IFT140: variants seen among roughly 807,000 people sequenced by gnomAD.
IFT140 encodes intraflagellar transport protein 140 homolog.
IFT140 carries 133 observed loss-of-function variants against 164.6 expected under a neutral mutation model. The ratio of observed to expected loss-of-function variants is 0.81; its 90% CI spans 0.70 to 0.93. The LOEUF is 0.93. Ranked by LOEUF, IFT140 falls within the 40% of genes least tolerant of loss-of-function variation. The pLI, the probability that IFT140 is intolerant of heterozygous loss-of-function variation, is 0.00. For synonymous variants in IFT140, 860 were observed against 817.3 expected, an observed-to-expected ratio of 1.05 and a Z score of -0.89; for missense variants, 2,045 against 1,972.3, an observed-to-expected ratio of 1.04 and a Z score of -0.70.
chr16:1,529,075 T>TA lies in IFT140; in HGVS notation c.2400-2280_2400-2279insT, dbSNP rs201951074. Among the ~76,000 whole-genome samples, 433 of 152,280 alleles carry TA rather than the reference T, an allele frequency of 2.8e-3. 1 individual carries two copies. Among genetic ancestry groups the TA allele is most frequent in the Middle Eastern group, 0.014 (4 of 294 alleles). The stretch of plus-strand genomic sequence containing the variant: ...GGGATGGGCCCTGCGGTGGTGTCTG[T>TA]GGCTGCAACGCGGCATACCCAGGTG... On this transcript the variant is annotated intron_variant, in intron 19 of 30. Coordinates refer to ENST00000426508, the MANE Select transcript of IFT140 (RefSeq NM_014714.4).
chr16:1,588,527 A>AAATAATAATGATAATAATAAT, intron 7 of IFT140, among the ~76,000 whole-genome samples: 1 of 145,446 alleles, frequency 6.9e-6, no homozygotes, highest in Non-Finnish European at 1.5e-5. Flanking sequence ...TCCGTCTCAA[A>AAATAATAATGATAATAATAAT]AATAATAATA....
chr16:1,547,773 T>G (rs749643856), intron 19 of IFT140, among the ~76,000 whole-genome samples: 10 of 152,170 alleles, frequency 6.6e-5, no homozygotes, highest in Non-Finnish European at 1.0e-4. Flanking sequence ...TGACCTCAGG[T>G]GATCCACCCA....
chr16:1,524,106 G>A, intron 24 of IFT140, 150 bp from the exon 25 acceptor site: 2 of 1,003,280 alleles, frequency 2.0e-6, no homozygotes, highest in Non-Finnish European at 1.4e-6. Context: ...AGGAGCTGAT[G>A]ACTTACTGGG....
rs1356071996 is a variant in IFT140, at chr16:1,526,605, C to T, written c.2577+14G>A. ...TGGTGCCTTCCCACCCACCCCATGG[C>T]GGGCGCCCCTCACCAGCATGCCCAG... On this transcript the variant is annotated intron_variant, in intron 20 of 30. Coordinates refer to ENST00000426508, the MANE Select transcript of IFT140 (RefSeq NM_014714.4). The T allele has an allele frequency of 9.4e-6, 14 of 1,496,732 alleles. No homozygotes were observed. The South Asian group carries it at 1.0e-4, about 11-fold the overall frequency. 92.7% of individuals were successfully genotyped at this position (1,496,732 alleles called of 1,614,324 possible). A position where few individuals can be genotyped will look rare whatever the true frequency, so the allele number is the denominator to read the frequency against.
At position 1,529,809 on chromosome 16, in the gene IFT140, G is replaced by A. The variant is rs371411556; in HGVS notation, c.2400-3013C>T. Among the ~76,000 whole-genome samples, 6 of 152,200 alleles carry A rather than the reference G, an allele frequency of 3.9e-5. No individual in the cohort carries two copies. The East Asian group carries it at 7.7e-4, about 20-fold the overall frequency. ...ACACAGCTGCCCCGTGCTGAGACAC[G>A]CCTCAAGACTGGGGGTCCAGGGCTC... is the stretch of plus-strand genomic sequence containing the variant. On this transcript the variant is annotated intron_variant, in intron 19 of 30. Coordinates refer to ENST00000426508, the MANE Select transcript of IFT140 (RefSeq NM_014714.4).
At chr16:1,522,997 G>A (rs901394839) in intron 26 of IFT140, among the ~76,000 whole-genome samples, 3 of 152,096 alleles carry the variant, frequency 2.0e-5, no homozygotes, top group Non-Finnish European at 4.4e-5. Context: ...GAGGCAGGAG[G>A]ATTGCTTGAG....
At chr16:1,522,313 T>C (rs4787271) in intron 26 of IFT140, among the ~76,000 whole-genome samples, 66,588 of 151,756 alleles carry the variant, frequency 0.44, 17,586 homozygotes, top group African/African-American at 0.74. Context: ...GCCAAGATTG[T>C]GCCACTGGAC....
chr16:1,597,184 G>C (rs2035506816), intron 4 of IFT140, among the ~76,000 whole-genome samples: 1 of 152,196 alleles, frequency 6.6e-6, no homozygotes. Flanking sequence ...TTGACCCTCA[G>C]ACTTGGCTCG....
rs538185133 is a variant in IFT140 at position 1,525,723 on chromosome 16, C to T, written c.2768+164G>A. Among the ~76,000 whole-genome samples, 3 of 152,358 alleles carry T rather than the reference C, an allele frequency of 2.0e-5. No individual in the cohort carries two copies. The South Asian group carries it at 6.2e-4, about 32-fold the overall frequency. Reference sequence around the variant, plus strand: ...CAGGATGGAAGGGGCAACCCCACATCTCCGAGACTCCCAGAAGCTTCCTGC... The same window carrying T: ...CAGGATGGAAGGGGCAACCCCACATTTCCGAGACTCCCAGAAGCTTCCTGC... On this transcript the variant is annotated intron_variant, in intron 21 of 30. Transcript: ENST00000426508.
rs887077455 is a variant in IFT140 at position 1,551,318 on chromosome 16, C to A, written c.2399+6617G>T. Among the ~76,000 whole-genome samples the A allele has an allele frequency of 7.2e-5, 11 of 151,978 alleles. No individual in the cohort carries two copies. The highest frequency in any genetic ancestry group is 1.5e-4 in the Non-Finnish European group (10 of 67,990). On this transcript the variant is annotated intron_variant, in intron 19 of 30. Coordinates refer to ENST00000426508, the MANE Select transcript of IFT140 (RefSeq NM_014714.4). This position sits in a 1 kb window ranked among gnomAD's most constrained non-coding sequence, Gnocchi z 4.0. ...GGCAGGTGCAACTCTAAGCCGAGGCCCGAAGGATCAGCAGCAGGAGGGGCC... is the reference window on the plus strand; with the variant it reads ...GGCAGGTGCAACTCTAAGCCGAGGCACGAAGGATCAGCAGCAGGAGGGGCC...
intron 19 of IFT140, chr16:1,554,149 GAGCC>G (rs2032899866): frequency 7.8e-7 from 1 of 1,286,474 alleles, no homozygotes; most frequent in African/African-American, 1.5e-5. Flanking sequence ...TATAGCCAAG[GAGCC>G]CTAGACAAGG....
chr16:1,542,789 T>C lies in IFT140; in HGVS notation c.2399+15146A>G, dbSNP rs143162338. The stretch of plus-strand genomic sequence containing the variant: ...TGGCTTCCCCAAGCCGCCATGTGAG[T>C]TGGGGAGGAGGCCCGGCCTTGCAGG... On this transcript the variant is annotated intron_variant, in intron 19 of 30. Coordinates refer to ENST00000426508, the MANE Select transcript of IFT140 (RefSeq NM_014714.4). 1.6e-3 allele frequency among the ~76,000 whole-genome samples: 245 copies of C among 152,126 alleles called. 2 individuals carry two copies. The highest frequency in any genetic ancestry group is 5.5e-3 in the African/African-American group (230 of 41,512).
In IFT140 at chr16:1,554,818, G is replaced by A. The variant is rs1185131101; in HGVS notation, c.2399+3117C>T. On this transcript the variant is annotated intron_variant, in intron 19 of 30. Coordinates refer to ENST00000426508, the MANE Select transcript of IFT140 (RefSeq NM_014714.4). Reference sequence around the variant, plus strand: ...GTCATCGGGCTCGTGACTTTCTACAGAATTGGCCCATACACCAACCTGTCC... The same window carrying A: ...GTCATCGGGCTCGTGACTTTCTACAAAATTGGCCCATACACCAACCTGTCC... The A allele has an allele frequency of 1.9e-6, 3 of 1,614,200 alleles. No homozygotes were observed. The East Asian group carries it at 6.7e-5, about 36-fold the overall frequency.
At position 1,510,870 on chromosome 16, in the gene IFT140, T is replaced by C; in HGVS notation, c.*74A>G. 19 of 1,367,090 alleles carry C rather than the reference T, an allele frequency of 1.4e-5. No homozygotes were observed. The highest frequency in any genetic ancestry group is 1.9e-5 in the Admixed American group (1 of 53,268). The allele number at this position is 1,367,090 out of a possible 1,614,324, so 84.7% of individuals were successfully genotyped here. ...GTTTTTTCCCAGCAAAAATGCTGGC[T>C]TTGCCACAGCTGACAAAAAAATTCC... On this transcript the variant is annotated 3_prime_UTR_variant, in exon 31 of 31. Coordinates refer to ENST00000426508, the MANE Select transcript of IFT140 (RefSeq NM_014714.4).
intron 13 of IFT140, among the ~76,000 whole-genome samples, chr16:1,573,125 G>A (rs1334405830): frequency 6.6e-6 from 1 of 152,214 alleles, no homozygotes; most frequent in African/African-American, 2.4e-5. Context: ...CGGATGGCTG[G>A]AGTCAGGGTG....
intron 3 of IFT140, among the ~76,000 whole-genome samples, chr16:1,605,324 T>G (rs2036002531): frequency 1.3e-5 from 2 of 152,140 alleles, no homozygotes; most frequent in South Asian, 4.1e-4. Flanking sequence ...CTGATGACTG[T>G]CGCTGCTTGG....
chr16:1,541,841 C>T (rs1310670523), intron 19 of IFT140: 5 of 1,468,638 alleles, frequency 3.4e-6, no homozygotes, highest in Non-Finnish European at 4.5e-6. Context: ...CAAACAGAGA[C>T]CACGAAAGTG....
Position 1,524,636 on chromosome 16 carries a change from C to T in IFT140, c.3057G>A (p.Gln1019=), listed in dbSNP as rs763551918. The change falls in exon 24 of 31, where the codon CAG becomes CAA. Residue 1019 remains glutamine, a synonymous_variant. Transcript: ENST00000426508. ...NLAASYHLAR[Q]YESQEEVGQA... ...GCCCGACCTCCTCCTGGCTCTCGTA[C>T]TGGCGGGCGAGGTGGTAGGAGGCCG... is the stretch of plus-strand genomic sequence containing the variant. The T allele has an allele frequency of 1.8e-5, 28 of 1,597,224 alleles. No individual in the cohort carries two copies. The highest frequency in any genetic ancestry group is 2.3e-5 in the Non-Finnish European group (27 of 1,169,218).
chr16:1,548,960 AC>A (rs1320401791), intron 19 of IFT140, among the ~76,000 whole-genome samples: 1 of 152,202 alleles, frequency 6.6e-6, no homozygotes, highest in Non-Finnish European at 1.5e-5. Context: ...CACGACGTGA[AC>A]CTTTCTTCGT....
Sources: gnomAD v4.1 joint callset for allele counts (sites outside exome capture counted in the v4.1 genomes callset) on GRCh38, gnomAD v4.1.1 for gene constraint, Gnocchi (gnomAD v3.1) non-coding constraint, MANE v1.5 for transcripts, NCBI Gene and HGNC (gene_info 2026-07-23, HGNC 2026-07-21) for gene names.